Variants in OPCML observed in about 807,000 individuals in gnomAD.
The protein encoded by OPCML is opioid binding protein/cell adhesion molecule like.
Under a neutral mutation model 37.8 loss-of-function variants are expected in OPCML, and 13 were observed. The observed-to-expected ratio is 0.34, with a 90% confidence interval of 0.22 to 0.55. The LOEUF (loss-of-function observed/expected upper bound fraction) is 0.55, where lower values mean the gene tolerates loss of function less well. Among genes scored for constraint, OPCML ranks in the 20% least tolerant of loss-of-function variants. The probability of loss-of-function intolerance (pLI) is 0.91; values close to 1 mark genes in which losing one functional copy is unlikely to be tolerated. For missense variants in OPCML, 341 were observed against 435.6 expected, an observed-to-expected ratio of 0.78 and a Z score of 1.93; for synonymous variants, 176 against 168.8, an observed-to-expected ratio of 1.04 and a Z score of -0.33.
chr11:132,837,178 G>A (rs1565899571), intron 2 of OPCML, among the ~76,000 whole-genome samples: 1 of 152,098 alleles, frequency 6.6e-6, no homozygotes, highest in Non-Finnish European at 1.5e-5. Context: ...GCTGGGAGTG[G>A]TGGTGCATGC....
At chr11:133,095,835 A>G (rs1948994325) in intron 1 of OPCML, among the ~76,000 whole-genome samples, 1 of 151,896 alleles carries the variant, frequency 6.6e-6, no homozygotes, top group East Asian at 1.9e-4. Context: ...AATCGAAACA[A>G]AACACCAACC....
chr11:133,373,448 T>TATATATATATATATACACAC (rs966091785), intron 1 of OPCML, among the ~76,000 whole-genome samples: 8 of 132,172 alleles, frequency 6.1e-5, no homozygotes, highest in African/African-American at 2.2e-4. Flanking sequence ...TATATATATA[T>TATATATATATATATACACAC]ACACACACAC....
intron 1 of OPCML, among the ~76,000 whole-genome samples, chr11:133,074,003 T>C (rs1219103833): frequency 6.6e-6 from 1 of 152,200 alleles, no homozygotes; most frequent in Non-Finnish European, 1.5e-5. Context: ...TCAATATTAA[T>C]CCATCTTCCA....
intron 2 of OPCML, among the ~76,000 whole-genome samples, chr11:132,745,895 C>T (rs1442941553): frequency 6.6e-6 from 1 of 152,150 alleles, no homozygotes; most frequent in Non-Finnish European, 1.5e-5. Flanking sequence ...TCCTGCCTCC[C>T]AGCCTCTAAG....
chr11:133,299,155 C>T (rs1333716799), intron 1 of OPCML: 1 of 152,156 alleles, frequency 6.6e-6, no homozygotes, highest in Non-Finnish European at 1.5e-5. Flanking sequence ...CACTGCTGGC[C>T]AAATAAATGG....
At chr11:132,852,407 G>A (rs530507032) in intron 2 of OPCML, among the ~76,000 whole-genome samples, 168 of 152,154 alleles carry the variant, frequency 1.1e-3, no homozygotes, top group African/African-American at 4.0e-3. Flanking sequence ...GACCCCATGG[G>A]GTCCCTGAGA....
chr11:133,273,942 TC>T (rs1941920998), intron 1 of OPCML, among the ~76,000 whole-genome samples: 1 of 152,226 alleles, frequency 6.6e-6, no homozygotes, highest in Non-Finnish European at 1.5e-5. Context: ...GTTAGACCTT[TC>T]AAAAGCACAC....
chr11:133,386,020 C>T (rs1293423219), intron 1 of OPCML, among the ~76,000 whole-genome samples: 1 of 152,198 alleles, frequency 6.6e-6, no homozygotes, highest in Non-Finnish European at 1.5e-5. Flanking sequence ...CACAACTCAT[C>T]TTAAACCATC....
chr11:132,734,841 G>A (rs908840786), intron 2 of OPCML, among the ~76,000 whole-genome samples: 6 of 152,164 alleles, frequency 3.9e-5, no homozygotes, highest in African/African-American at 1.2e-4. Flanking sequence ...AAAGAGACTG[G>A]TAGCATAAGC....
At chr11:132,519,018 G>T (rs2096286373) in intron 4 of OPCML, among the ~76,000 whole-genome samples, 1 of 152,176 alleles carries the variant, frequency 6.6e-6, no homozygotes, top group African/African-American at 2.4e-5. Context: ...AAAATGCCCA[G>T]TGAAGAATCT....
chr11:132,445,314 T>C (rs979266718), intron 4 of OPCML, among the ~76,000 whole-genome samples: 27 of 152,270 alleles, frequency 1.8e-4, no homozygotes, highest in African/African-American at 6.5e-4. Context: ...ATGATGGAAG[T>C]GTTTAATGCC....
At chr11:132,779,192 T>C (rs1946913235) in intron 2 of OPCML, among the ~76,000 whole-genome samples, 1 of 152,166 alleles carries the variant, frequency 6.6e-6, no homozygotes, top group African/African-American at 2.4e-5. Context: ...GGCCTCGAAC[T>C]CCTGACCTCA....
At chr11:132,736,242 T>A (rs1945251832) in intron 2 of OPCML, among the ~76,000 whole-genome samples, 1 of 152,146 alleles carries the variant, frequency 6.6e-6, no homozygotes, top group Non-Finnish European at 1.5e-5. Flanking sequence ...GTTCTTAGGT[T>A]TTCTGATTGA....
At chr11:133,221,154 C>T (rs1939802884) in intron 1 of OPCML, among the ~76,000 whole-genome samples, 1 of 152,202 alleles carries the variant, frequency 6.6e-6, no homozygotes, top group South Asian at 2.1e-4. Context: ...TTTGGCTGGC[C>T]ATACCCCGTC....
intron 2 of OPCML, among the ~76,000 whole-genome samples, chr11:132,726,172 G>T (rs1012563540): frequency 2.6e-5 from 4 of 152,134 alleles, no homozygotes; most frequent in African/African-American, 9.7e-5. Flanking sequence ...TTTTTATGCT[G>T]CTGATAAAGA....
At chr11:133,018,427 C>T (rs983524735) in intron 1 of OPCML, among the ~76,000 whole-genome samples, 1 of 151,806 alleles carries the variant, frequency 6.6e-6, no homozygotes, top group Admixed American at 6.6e-5. Context: ...TTTTCTTTTC[C>T]CCTTTTGAAA....
intron 2 of OPCML, among the ~76,000 whole-genome samples, chr11:132,684,914 G>A (rs2135865749): frequency 6.6e-6 from 1 of 152,184 alleles, no homozygotes; most frequent in East Asian, 1.9e-4. Flanking sequence ...CTCAATATTG[G>A]TACAGCTATT....
At chr11:132,868,835 C>G (rs1291120119) in intron 2 of OPCML, among the ~76,000 whole-genome samples, 1 of 152,240 alleles carries the variant, frequency 6.6e-6, no homozygotes, top group Non-Finnish European at 1.5e-5. Context: ...AATTGTTTGA[C>G]TTTGAGGGCA....
intron 2 of OPCML, among the ~76,000 whole-genome samples, chr11:132,920,633 C>T (rs575419201): frequency 1.1e-4 from 17 of 152,248 alleles, no homozygotes; most frequent in African/African-American, 2.4e-4. Context: ...GCTCTCCAGG[C>T]GCTTTACGAG....
Sources: allele counts gnomAD v4.1 joint callset (sites outside exome capture counted in the v4.1 genomes callset), GRCh38; gene constraint gnomAD v4.1.1; transcripts MANE v1.5; gene names NCBI Gene and HGNC (gene_info 2026-07-23, HGNC 2026-07-21).